Variants in ATG4B observed in about 807,000 individuals in gnomAD.
ATG4B encodes autophagy related 4B cysteine peptidase, also known as cysteine protease ATG4B.
ATG4B carries 29 observed loss-of-function variants against 56.6 expected under a neutral mutation model. The observed-to-expected ratio is 0.51, with a 90% CI of 0.38 to 0.70. The LOEUF (loss-of-function observed/expected upper bound fraction) is 0.70. Ranked by LOEUF, ATG4B falls within the 30% of genes least tolerant of loss-of-function variation. ATG4B has a pLI of 0.00. For missense variants in ATG4B, 461 were observed against 515.5 expected, an observed-to-expected ratio of 0.89 and a Z score of 1.02; for synonymous variants, 224 against 206.1, an observed-to-expected ratio of 1.09 and a Z score of -0.74.
At position 241,668,948 on chromosome 2, in the gene ATG4B, G is replaced by T; in HGVS notation, c.957+263G>T. On this transcript the variant is annotated intron_variant, in intron 10 of 12. Transcript: ENST00000404914. This position sits in a 1 kb window ranked among gnomAD's most constrained non-coding sequence, Gnocchi z 4.2. ...GTGTGTCTGGATGTGAGCGTGTGTG[G>T]GCGCGTGCTGAGTGTGCATGGATGA... The T allele has an allele frequency of 1.9e-6, 1 of 515,854 alleles. No individual in the cohort carries two copies. 32.0% of individuals were successfully genotyped at this position (515,854 alleles called of 1,614,324 possible). A position where few individuals can be genotyped will look rare whatever the true frequency, so the allele number is the denominator to read the frequency against.
intron 1 of ATG4B, among the ~76,000 whole-genome samples, chr2:241,639,901 G>A (rs767168861): frequency 3.3e-5 from 5 of 152,216 alleles, no homozygotes; most frequent in Non-Finnish European, 4.4e-5. Context: ...AGAGAGGTTC[G>A]CAATCCAGTC....
At chr2:241,665,130 T>C (rs1376061873) in intron 7 of ATG4B, among the ~76,000 whole-genome samples, 1 of 152,182 alleles carries the variant, frequency 6.6e-6, no homozygotes, top group South Asian at 2.1e-4. Flanking sequence ...TAAAAGAAAT[T>C]TAAAAAGTTC....
intron 12 of ATG4B, chr2:241,671,675 G>A: frequency 7.1e-7 from 1 of 1,399,196 alleles, no homozygotes. Flanking sequence ...GGAGTCCTCA[G>A]GGGTCTGGAG....
chr2:241,653,591 G>A lies in ATG4B; in HGVS notation c.264G>A (p.Val88=), dbSNP rs985522880. The A allele has an allele frequency of 6.4e-7, 1 of 1,571,412 alleles. No homozygotes were observed. The highest frequency in any genetic ancestry group is 8.6e-7 in the Non-Finnish European group (1 of 1,158,136). The change falls in exon 4 of 13, where the codon GTG becomes GTA. Residue 88 remains valine, a synonymous_variant. Transcript: ENST00000404914. ...CGQMIFAQAL[V]CRHLGRDWRW... is the part of the protein sequence containing the mutation. ...AGATGATCTTTGCCCAAGCCCTGGT[G>A]TGCCGGCACCTAGGCCGAGGTGAGT...
chr2:241,660,246 A>G (rs1316001897), intron 7 of ATG4B, among the ~76,000 whole-genome samples: 1 of 152,148 alleles, frequency 6.6e-6, no homozygotes, highest in Non-Finnish European at 1.5e-5. Flanking sequence ...GCACAGATTC[A>G]CAGTGGGAGT....
intron 1 of ATG4B, among the ~76,000 whole-genome samples, chr2:241,647,796 C>A (rs1222166715): frequency 6.6e-6 from 1 of 151,978 alleles, no homozygotes; most frequent in Admixed American, 6.6e-5. Flanking sequence ...GCAGGGACAT[C>A]ATGATGTTTT....
chr2:241,648,123 A>G (rs1352912039), intron 1 of ATG4B, among the ~76,000 whole-genome samples: 1 of 152,088 alleles, frequency 6.6e-6, no homozygotes, highest in African/African-American at 2.4e-5. Flanking sequence ...CAAAAGAATA[A>G]AAAAAAGGCA....
intron 1 of ATG4B, among the ~76,000 whole-genome samples, chr2:241,637,952 G>T (rs1365885958): frequency 6.6e-6 from 1 of 151,656 alleles, no homozygotes; most frequent in Admixed American, 6.6e-5. Flanking sequence ...GCCGTCGGTT[G>T]CGCTGGAGCT....
At chr2:241,666,302 T>A (rs1391392422) in intron 7 of ATG4B, among the ~76,000 whole-genome samples, 1 of 152,246 alleles carries the variant, frequency 6.6e-6, no homozygotes, top group Non-Finnish European at 1.5e-5. Flanking sequence ...GAGCGGGTTC[T>A]GGCTGTGCTG....
At chr2:241,655,068 T>G in intron 5 of ATG4B, 1 of 598,728 alleles carries the variant, frequency 1.7e-6, no homozygotes, top group Non-Finnish European at 3.0e-6. Context: ...CCCCTCCTTT[T>G]CTAAGTTCAT....
intron 1 of ATG4B, among the ~76,000 whole-genome samples, chr2:241,647,539 T>G (rs751734703): frequency 6.8e-6 from 1 of 147,078 alleles, no homozygotes; most frequent in Non-Finnish European, 1.5e-5. Flanking sequence ...GAGAATGGCA[T>G]GAGCCGGGAG....
At chr2:241,652,477 C>T (rs768040587) in intron 3 of ATG4B, among the ~76,000 whole-genome samples, 2 of 152,222 alleles carry the variant, frequency 1.3e-5, no homozygotes, top group Admixed American at 6.5e-5. Context: ...TTCTGAAGGG[C>T]AGTGTGCTGT....
At chr2:241,652,159 A>G in intron 3 of ATG4B, 1 of 339,868 alleles carries the variant, frequency 2.9e-6, no homozygotes, top group Non-Finnish European at 5.8e-6. Context: ...ATTTAATGAT[A>G]CACCTTGTGA....
chr2:241,645,599 C>T (rs139072702), intron 1 of ATG4B, among the ~76,000 whole-genome samples: 1,765 of 152,278 alleles, frequency 0.012, 42 homozygotes, highest in African/African-American at 0.041. Flanking sequence ...CACCAAGTCA[C>T]AAGAAGGTCA....
At chr2:241,659,073 A>C (rs201927843) in intron 6 of ATG4B, 35 bp from the exon 7 acceptor site, 13 of 1,524,144 alleles carry the variant, frequency 8.5e-6, no homozygotes, top group South Asian at 1.2e-5. Context: ...TTTGAATTGT[A>C]CAAAAGCTTA....
intron 6 of ATG4B, among the ~76,000 whole-genome samples, 197 bp from the exon 7 acceptor site, chr2:241,658,911 C>T (rs141430969): frequency 6.6e-6 from 1 of 152,268 alleles, no homozygotes; most frequent in African/African-American, 2.4e-5. Flanking sequence ...CCCTGGGCCT[C>T]AGGCGAGAAG....
At chr2:241,649,952 T>A (rs964179924) in intron 1 of ATG4B, among the ~76,000 whole-genome samples, 1 of 152,086 alleles carries the variant, frequency 6.6e-6, no homozygotes, top group Non-Finnish European at 1.5e-5. Context: ...CCTGGCTAAT[T>A]GTTGTACTTT....
intron 6 of ATG4B, among the ~76,000 whole-genome samples, chr2:241,658,480 C>T (rs774294648): frequency 6.6e-6 from 1 of 152,184 alleles, no homozygotes; most frequent in Non-Finnish European, 1.5e-5. Context: ...TGCCTCAGGG[C>T]CTTTTCTATT....
intron 7 of ATG4B, among the ~76,000 whole-genome samples, chr2:241,660,017 C>T (rs1575078373): frequency 6.6e-6 from 1 of 152,112 alleles, no homozygotes; most frequent in South Asian, 2.1e-4. Flanking sequence ...TGGTGAAACC[C>T]CGTCTCTACT....
Sources: allele counts gnomAD v4.1 joint callset (sites outside exome capture counted in the v4.1 genomes callset), GRCh38; gene constraint gnomAD v4.1.1; non-coding constraint Gnocchi (gnomAD v3.1); transcripts MANE v1.5; gene names NCBI Gene and HGNC (gene_info 2026-07-23, HGNC 2026-07-21).